The following KCNQ1OT1 variants were observed in gnomAD, a reference collection of about 807,000 sequenced individuals.
The protein encoded by KCNQ1OT1 is KCNQ1 antisense RNA 2 (non-protein coding).
rs902010508 is a variant in KCNQ1OT1, at chr11:2,666,538, A to G, written n.33457T>C. The stretch of plus-strand genomic sequence containing the variant: ...TGGCCTGGCTTTCATCCACATCACT[A>G]CTAATGTCTCCTGAATTCTGCATTT... On this transcript the variant is annotated non_coding_transcript_exon_variant, in exon 1 of 1. Transcript: ENST00000597346. 6.3e-5 allele frequency: 25 copies of G among 398,628 alleles called. No homozygotes were observed. The South Asian group carries it at 6.4e-4, about 10-fold the overall frequency. The allele number at this position is 398,628 out of a possible 1,614,324, so 24.7% of individuals were successfully genotyped here.
Position 2,674,207 on chromosome 11 carries a change from GT to G in KCNQ1OT1, n.25787del, listed in dbSNP as rs901682875. On this transcript the variant is annotated non_coding_transcript_exon_variant, in exon 1 of 1. Transcript: ENST00000597346. The surrounding 1 kb of genome is among the most constrained non-coding windows in gnomAD (Gnocchi z 5.9). ...CTGGGGAGAGCACAGCCAGTTGTGG[GT>G]TTTTCTTGGGGCCCAGATAGATGTG... 2.5e-6 allele frequency: 1 copy of G among 398,648 alleles called. No individual in the cohort carries two copies. The highest frequency in any genetic ancestry group is 4.4e-6 in the Non-Finnish European group (1 of 226,122). 24.7% of individuals were successfully genotyped at this position (398,648 alleles called of 1,614,324 possible).
At position 2,682,045 on chromosome 11, in the gene KCNQ1OT1, T is replaced by C. The variant is rs1330554579; in HGVS notation, n.17950A>G. The C allele has an allele frequency of 7.5e-6, 3 of 398,522 alleles. No individual in the cohort carries two copies. Among genetic ancestry groups the C allele is most frequent in the Admixed American group, 4.4e-5 (1 of 22,720 alleles). The allele number at this position is 398,522 out of a possible 1,614,324, so 24.7% of individuals were successfully genotyped here. On this transcript the variant is annotated non_coding_transcript_exon_variant, in exon 1 of 1. Coordinates refer to ENST00000597346, the Ensembl canonical transcript of KCNQ1OT1. This position sits in a 1 kb window ranked among gnomAD's most constrained non-coding sequence, Gnocchi z 5.8. ...CAAGAATATTATCACTCCTGTTTTA[T>C]AGATAATCTCCTAAGGGTTGAGGGA...
At chr11:2,689,368 A>T in exon 1 of KCNQ1OT1, 1 of 398,596 alleles carries the variant, frequency 2.5e-6, no homozygotes, top group Middle Eastern at 6.3e-4. Flanking sequence ...CCTTGGGAAG[A>T]GGTGCTTGAG....
At position 2,647,080 on chromosome 11, in the gene KCNQ1OT1, G is replaced by A; in HGVS notation, n.52915C>T. 1 of 398,530 alleles carries A rather than the reference G, an allele frequency of 2.5e-6. No individual in the cohort carries two copies. The highest frequency in any genetic ancestry group is 4.4e-6 in the Non-Finnish European group (1 of 226,052). 24.7% of individuals were successfully genotyped at this position (398,530 alleles called of 1,614,324 possible). A position where few individuals can be genotyped will look rare whatever the true frequency, so the allele number is the denominator to read the frequency against. ...TCTTGTTCTAGTTCTAAGAGAGAAG[G>A]TGTTTAGCTTTTCCCCAGGTGGCTG... On this transcript the variant is annotated non_coding_transcript_exon_variant, in exon 1 of 1. Transcript: ENST00000597346. The surrounding 1 kb of genome is among the most constrained non-coding windows in gnomAD (Gnocchi z 4.0).
At chr11:2,614,318 C>A (rs1351478745) in exon 1 of KCNQ1OT1, 1 of 398,440 alleles carries the variant, frequency 2.5e-6, no homozygotes, top group Non-Finnish European at 4.4e-6. Flanking sequence ...GGTGATAATT[C>A]TGTCTGTGCT....
At chr11:2,666,485 G>A (rs183573510) in exon 1 of KCNQ1OT1, 16 of 398,636 alleles carry the variant, frequency 4.0e-5, no homozygotes, top group Admixed American at 1.3e-4. Flanking sequence ...CAAGACATTC[G>A]AGTTGCTCTT....
At position 2,627,668 on chromosome 11, in the gene KCNQ1OT1, G is replaced by A. The variant is rs1290933828; in HGVS notation, n.72327C>T. 7.5e-6 allele frequency: 3 copies of A among 398,368 alleles called. No homozygotes were observed. Among genetic ancestry groups the A allele is most frequent in the Admixed American group, 8.8e-5 (2 of 22,690 alleles). 24.7% of individuals were successfully genotyped at this position (398,368 alleles called of 1,614,324 possible). On this transcript the variant is annotated non_coding_transcript_exon_variant, in exon 1 of 1. Transcript: ENST00000597346. This position sits in a 1 kb window ranked among gnomAD's most constrained non-coding sequence, Gnocchi z 4.9. Reference sequence around the variant, plus strand: ...AGGATGAATATTTCATTGTGTGTGTGTATATATGTGTGTGTGTGTGTCTGT... The same window carrying A: ...AGGATGAATATTTCATTGTGTGTGTATATATATGTGTGTGTGTGTGTCTGT...
At chr11:2,632,977 T>A (rs1292165006) in exon 1 of KCNQ1OT1, 1 of 398,410 alleles carries the variant, frequency 2.5e-6, no homozygotes, top group East Asian at 3.6e-5. Flanking sequence ...CTTTTAGTTT[T>A]TTTGACAAAA....
chr11:2,611,888 C>T lies in KCNQ1OT1; in HGVS notation n.88107G>A. On this transcript the variant is annotated non_coding_transcript_exon_variant, in exon 1 of 1. Coordinates refer to ENST00000597346, the Ensembl canonical transcript of KCNQ1OT1. The surrounding 1 kb of genome is among the most constrained non-coding windows in gnomAD (Gnocchi z 5.3). ...ATTTCCCCCATTTTTAAAGTGTAAT[C>T]TGGAGGTTACAATAAGCAGCTTAAG... The T allele has an allele frequency of 2.5e-6, 1 of 398,416 alleles. No homozygotes were observed. The highest frequency in any genetic ancestry group is 4.4e-6 in the Non-Finnish European group (1 of 226,018). The allele number at this position is 398,416 out of a possible 1,614,324, so 24.7% of individuals were successfully genotyped here.
At chr11:2,693,609 A>G (rs1850624824) in exon 1 of KCNQ1OT1, 4 of 398,626 alleles carry the variant, frequency 1.0e-5, no homozygotes, top group Non-Finnish European at 1.8e-5. Flanking sequence ...TAAATTGCAA[A>G]CAAGAGCTTC....
exon 1 of KCNQ1OT1, chr11:2,635,421 C>T (rs1439340655): frequency 6.6e-6 from 1 of 152,150 alleles, no homozygotes; most frequent in African/African-American, 2.4e-5. Flanking sequence ...TTTCCCAGCA[C>T]CATTTATTAA....
Position 2,642,591 on chromosome 11 carries a change from T to C in KCNQ1OT1, n.57404A>G. The C allele has an allele frequency of 2.5e-6, 1 of 397,924 alleles. No individual in the cohort carries two copies. The highest frequency in any genetic ancestry group is 4.4e-6 in the Non-Finnish European group (1 of 225,678). 24.6% of individuals were successfully genotyped at this position (397,924 alleles called of 1,614,324 possible). A position where few individuals can be genotyped will look rare whatever the true frequency, so the allele number is the denominator to read the frequency against. On this transcript the variant is annotated non_coding_transcript_exon_variant, in exon 1 of 1. Coordinates refer to ENST00000597346, the Ensembl canonical transcript of KCNQ1OT1. The surrounding 1 kb of genome is among the most constrained non-coding windows in gnomAD (Gnocchi z 4.3). ...CTTCTTGGATAGTTTAGCCACTGGT[T>C]ATTTTGTTTCTTTTCAAAAACCGAT...
exon 1 of KCNQ1OT1, chr11:2,615,851 T>A (rs1849052805): frequency 2.5e-6 from 1 of 397,928 alleles, no homozygotes; most frequent in South Asian, 1.3e-4. Context: ...TTTGTCTGGC[T>A]TTGGAATCCA....
At position 2,664,502 on chromosome 11, in the gene KCNQ1OT1, T is replaced by C. The variant is rs1850027637; in HGVS notation, n.35493A>G. On this transcript the variant is annotated non_coding_transcript_exon_variant, in exon 1 of 1. Transcript: ENST00000597346. This position sits in a 1 kb window ranked among gnomAD's most constrained non-coding sequence, Gnocchi z 5.1. Reference sequence around the variant, plus strand: ...ATCTGGGGGAGAAGGCTGGCAGCAGTGGGCACCCTGTTTCCTCAGGGCCCA... The same window carrying C: ...ATCTGGGGGAGAAGGCTGGCAGCAGCGGGCACCCTGTTTCCTCAGGGCCCA... The C allele has an allele frequency of 2.5e-6, 1 of 398,604 alleles. No homozygotes were observed. Among genetic ancestry groups the C allele is most frequent in the Admixed American group, 4.4e-5 (1 of 22,718 alleles). 24.7% of individuals were successfully genotyped at this position (398,604 alleles called of 1,614,324 possible). A position where few individuals can be genotyped will look rare whatever the true frequency, so the allele number is the denominator to read the frequency against.
Position 2,626,550 on chromosome 11 carries a change from A to C in KCNQ1OT1, n.73445T>G. On this transcript the variant is annotated non_coding_transcript_exon_variant, in exon 1 of 1. Coordinates refer to ENST00000597346, the Ensembl canonical transcript of KCNQ1OT1. The surrounding 1 kb of genome is among the most constrained non-coding windows in gnomAD (Gnocchi z 4.0). ...AAGTTGGGGTTTTTGTTTGTTTTTC[A>C]GACATTCTTACTCTGTTGCCCACGC... 5.0e-6 allele frequency: 2 copies of C among 398,552 alleles called. No homozygotes were observed. The highest frequency in any genetic ancestry group is 4.4e-6 in the Non-Finnish European group (1 of 226,076). The allele number at this position is 398,552 out of a possible 1,614,324, so 24.7% of individuals were successfully genotyped here.
chr11:2,624,993 A>G lies in KCNQ1OT1; in HGVS notation n.75002T>C, dbSNP rs957799254. 1 of 398,586 alleles carries G rather than the reference A, an allele frequency of 2.5e-6. No homozygotes were observed. Among genetic ancestry groups the G allele is most frequent in the Non-Finnish European group, 4.4e-6 (1 of 226,068 alleles). The allele number at this position is 398,586 out of a possible 1,614,324, so 24.7% of individuals were successfully genotyped here. A position where few individuals can be genotyped will look rare whatever the true frequency, so the allele number is the denominator to read the frequency against. On this transcript the variant is annotated non_coding_transcript_exon_variant, in exon 1 of 1. Transcript: ENST00000597346. The surrounding 1 kb of genome is among the most constrained non-coding windows in gnomAD (Gnocchi z 4.9). ...TTTGCTTATCCATTCTTCCATGGAC[A>G]TTTGGGTTGCATTGATGTTTTAACT... is the stretch of plus-strand genomic sequence containing the variant.
In KCNQ1OT1 at chr11:2,626,137, C is replaced by G. The variant is rs765906849; in HGVS notation, n.73858G>C. On this transcript the variant is annotated non_coding_transcript_exon_variant, in exon 1 of 1. Coordinates refer to ENST00000597346, the Ensembl canonical transcript of KCNQ1OT1. This position sits in a 1 kb window ranked among gnomAD's most constrained non-coding sequence, Gnocchi z 4.0. Reference sequence around the variant, plus strand: ...CCTTTGGTGTCGCATACAAGAAGCACTGCCAATGATGTAAAGTTTTTCCCC... The same window carrying G: ...CCTTTGGTGTCGCATACAAGAAGCAGTGCCAATGATGTAAAGTTTTTCCCC... 8 of 398,302 alleles carry G rather than the reference C, an allele frequency of 2.0e-5. No homozygotes were observed. The highest frequency in any genetic ancestry group is 3.1e-5 in the Non-Finnish European group (7 of 226,068). 24.7% of individuals were successfully genotyped at this position (398,302 alleles called of 1,614,324 possible).
At chr11:2,609,029 T>G in exon 1 of KCNQ1OT1, 2 of 398,444 alleles carry the variant, frequency 5.0e-6, no homozygotes, top group Non-Finnish European at 8.8e-6. Flanking sequence ...CTATATTTTA[T>G]TTCTACTCTA....
exon 1 of KCNQ1OT1, chr11:2,675,949 T>C (rs141106727): frequency 5.8e-4 from 233 of 398,642 alleles, no homozygotes; most frequent in African/African-American, 4.6e-3. Flanking sequence ...GTAAAACCAA[T>C]TCAGAGTACA....
Sources: gnomAD v4.1 joint callset for allele counts on GRCh38, gnomAD v4.1.1 for gene constraint, Gnocchi (gnomAD v3.1) non-coding constraint, MANE v1.5 for transcripts, NCBI Gene and HGNC (gene_info 2026-07-23, HGNC 2026-07-21) for gene names.